The following MYH11 variants were observed in gnomAD, a reference collection of about 807,000 sequenced individuals.
MYH11 encodes the protein myosin heavy chain 11.
MYH11 carries 80 observed loss-of-function variants against 246.6 expected under a neutral mutation model. The observed-to-expected ratio is 0.32, with a 90% CI of 0.27 to 0.39. The LOEUF is 0.39. Ranked by LOEUF, MYH11 falls within the 10% of genes least tolerant of loss-of-function variation. The pLI is 1.00. For missense variants in MYH11, 2,158 were observed against 2,546.8 expected, an observed-to-expected ratio of 0.85 and a Z score of 3.29; for synonymous variants, 1,071 against 1,015.5, an observed-to-expected ratio of 1.05 and a Z score of -1.04.
chr16:15,760,715 A>T, intron 10 of MYH11, 57 bp from the exon 11 acceptor site: 2 of 1,158,496 alleles, frequency 1.7e-6, no homozygotes, highest in South Asian at 2.4e-5. Flanking sequence ...CTTGGCAAGA[A>T]GACACATCGC....
chr16:15,703,412 A>G lies in MYH11; in HGVS notation c.*579T>C, dbSNP rs2039290501. The G allele has an allele frequency of 8.3e-6, 2 of 239,538 alleles. No homozygotes were observed. The highest frequency in any genetic ancestry group is 2.2e-5 in the African/African-American group (1 of 45,290). 14.8% of individuals were successfully genotyped at this position (239,538 alleles called of 1,614,324 possible). A position where few individuals can be genotyped will look rare whatever the true frequency, so the allele number is the denominator to read the frequency against. On this transcript the variant is annotated 3_prime_UTR_variant, in exon 41 of 41. Transcript: ENST00000300036. Reference sequence around the variant, plus strand: ...CACCCATTTCGGTGACTTTCTCCCCATTTCATGTAAACAGAATTGCCAGGG... The same window carrying G: ...CACCCATTTCGGTGACTTTCTCCCCGTTTCATGTAAACAGAATTGCCAGGG...
chr16:15,802,061 G>A (rs908170070), intron 3 of MYH11, among the ~76,000 whole-genome samples: 2 of 152,154 alleles, frequency 1.3e-5, no homozygotes. Flanking sequence ...TTCTATCCTG[G>A]TTATGTTTGT....
Position 15,750,019 on chromosome 16 carries a change from C to T in MYH11, c.2058+119G>A, listed in dbSNP as rs761032565. 6 of 1,238,702 alleles carry T rather than the reference C, an allele frequency of 4.8e-6. No individual in the cohort carries two copies. The highest frequency in any genetic ancestry group is 6.9e-6 in the Non-Finnish European group (6 of 868,166). 76.7% of individuals were successfully genotyped at this position (1,238,702 alleles called of 1,614,324 possible). On this transcript the variant is annotated intron_variant, in intron 16 of 40. Transcript: ENST00000300036. This position sits in a 1 kb window ranked among gnomAD's most constrained non-coding sequence, Gnocchi z 4.3. ...TGGGTCTGAGATTCAGATAGCCTTC[C>T]CCACATGGAAAATGGGGTCCTCGGG...
At chr16:15,727,143 C>T in intron 27 of MYH11, 89 bp from the exon 28 acceptor site, 1 of 1,204,870 alleles carries the variant, frequency 8.3e-7, no homozygotes. Flanking sequence ...TCAGAGAGGT[C>T]CAGGAAGGCA....
At chr16:15,757,073 C>G (rs1468912718) in intron 13 of MYH11, among the ~76,000 whole-genome samples, 3 of 152,038 alleles carry the variant, frequency 2.0e-5, no homozygotes, top group Admixed American at 2.0e-4. Context: ...GCTGGGATTA[C>G]AGGCATGAGC....
intron 1 of MYH11, among the ~76,000 whole-genome samples, chr16:15,845,352 G>T (rs987736691): frequency 1.0e-4 from 14 of 139,962 alleles, no homozygotes; most frequent in African/African-American, 3.7e-4. Context: ...TGTATTTTAC[G>T]TGTGGCCCAA....
intron 2 of MYH11, among the ~76,000 whole-genome samples, chr16:15,827,894 C>T (rs963741854): frequency 2.0e-5 from 3 of 152,136 alleles, no homozygotes; most frequent in Non-Finnish European, 4.4e-5. Context: ...AGAGAAGAGC[C>T]CAGTCTGTGG....
intron 20 of MYH11, among the ~76,000 whole-genome samples, chr16:15,744,432 ATCCACCCG>A (rs1183580999): frequency 6.6e-6 from 1 of 151,490 alleles, no homozygotes; most frequent in Non-Finnish European, 1.5e-5. Context: ...TGACTTTGTG[ATCCACCCG>A]CCTCGGCCTC....
At chr16:15,745,924 G>A (rs8044589) in intron 19 of MYH11, among the ~76,000 whole-genome samples, 19,842 of 149,036 alleles carry the variant, frequency 0.13, 2,736 homozygotes, top group African/African-American at 0.35. Flanking sequence ...TTATTTATTT[G>A]TTTATTTTCA....
At chr16:15,851,912 T>C (rs2044339128) in intron 1 of MYH11, among the ~76,000 whole-genome samples, 1 of 152,136 alleles carries the variant, frequency 6.6e-6, no homozygotes, top group Non-Finnish European at 1.5e-5. Flanking sequence ...CCACTGTGTT[T>C]TATATTTTAC....
At chr16:15,718,277 A>C (rs755569075) in intron 37 of MYH11, 38 bp downstream of exon 37, 4 of 1,605,624 alleles carry the variant, frequency 2.5e-6, no homozygotes, top group Non-Finnish European at 3.4e-6. Context: ...CAGGAGAGAC[A>C]GTAGGCAGCG....
intron 6 of MYH11, among the ~76,000 whole-genome samples, chr16:15,780,054 C>T (rs976577518): frequency 1.3e-5 from 2 of 152,162 alleles, no homozygotes; most frequent in Admixed American, 1.3e-4. Context: ...CAGGCAAGGC[C>T]CAGGCACCTT....
At chr16:15,822,001 T>A (rs7192541) in intron 3 of MYH11, among the ~76,000 whole-genome samples, 3 of 151,970 alleles carry the variant, frequency 2.0e-5, no homozygotes, top group Non-Finnish European at 4.4e-5. Flanking sequence ...CAAGATTGCC[T>A]TTGCAAGGCT....
At chr16:15,722,225 G>A (rs1428136414) in intron 31 of MYH11, among the ~76,000 whole-genome samples, 2 of 152,160 alleles carry the variant, frequency 1.3e-5, no homozygotes, top group African/African-American at 4.8e-5. Flanking sequence ...GTCAAAGTGA[G>A]ATTTAAAGCT....
At chr16:15,747,832 C>T (rs758647769) in intron 18 of MYH11, 42 bp downstream of exon 18, 33 of 1,613,064 alleles carry the variant, frequency 2.0e-5, no homozygotes, top group African/African-American at 1.2e-4. Context: ...AGGTGGCTTG[C>T]GGCCAGAGGT....
chr16:15,721,792 C>T (rs141266562), intron 31 of MYH11, 158 bp from the exon 32 acceptor site: 23 of 722,328 alleles, frequency 3.2e-5, no homozygotes, highest in East Asian at 5.4e-5. Flanking sequence ...AATCATCTGG[C>T]GTTCTGACTT....
In MYH11 at chr16:15,840,074, C is replaced by T. The variant is rs117354884; in HGVS notation, c.-17-1805G>A. Among the ~76,000 whole-genome samples, 924 of 151,892 alleles carry T rather than the reference C, an allele frequency of 6.1e-3. 5 individuals are homozygous for T. The highest frequency in any genetic ancestry group is 9.5e-3 in the Non-Finnish European group (644 of 67,948). On this transcript the variant is annotated intron_variant, in intron 1 of 40. Transcript: ENST00000300036. ...TCAAAAAAATTAAAAAAAAGAGTTGCCAGTGGCAAGGAAAGGAATGGATTA... is the reference window on the plus strand; with the variant it reads ...TCAAAAAAATTAAAAAAAAGAGTTGTCAGTGGCAAGGAAAGGAATGGATTA...
At position 15,786,510 on chromosome 16, in the gene MYH11, G is replaced by A. The variant is rs747562619; in HGVS notation, c.633+120C>T. ...GACGGTCCCTCTTTGAGTCTTCAGG[G>A]GAGGGGTAGTCAGATGGGGCCTGAG... On this transcript the variant is annotated intron_variant, in intron 5 of 40. Transcript: ENST00000300036. The A allele has an allele frequency of 5.2e-6, 5 of 967,366 alleles. No homozygotes were observed. The South Asian group carries it at 6.4e-5, about 12-fold the overall frequency. The allele number at this position is 967,366 out of a possible 1,614,324, so 59.9% of individuals were successfully genotyped here.
At chr16:15,842,259 G>A (rs935251458) in intron 1 of MYH11, among the ~76,000 whole-genome samples, 4 of 152,200 alleles carry the variant, frequency 2.6e-5, no homozygotes, top group African/African-American at 4.8e-5. Flanking sequence ...GGTAGCATGC[G>A]CCTACAATCC....
Sources: gnomAD v4.1 joint callset for allele counts (sites outside exome capture counted in the v4.1 genomes callset) on GRCh38, gnomAD v4.1.1 for gene constraint, Gnocchi (gnomAD v3.1) non-coding constraint, MANE v1.5 for transcripts, NCBI Gene and HGNC (gene_info 2026-07-23, HGNC 2026-07-21) for gene names.